CEP70: variants seen among roughly 807,000 people sequenced by gnomAD.
The protein encoded by CEP70 is centrosomal protein of 70 kDa.
CEP70 carries 70 observed loss-of-function variants against 90.9 expected under a neutral mutation model. The ratio of observed to expected loss-of-function variants is 0.77; its 90% CI spans 0.64 to 0.94. The LOEUF is 0.94. CEP70 is among the 40% of genes least tolerant of loss of function. CEP70 has a pLI of 0.00. For missense variants in CEP70, 648 were observed against 669.0 expected (o/e 0.97, Z 0.35); for synonymous variants, 220 against 228.3 (o/e 0.96, Z 0.33).
At chr3:138,576,086 G>A (rs368070651) in intron 2 of CEP70, among the ~76,000 whole-genome samples, 2 of 152,128 alleles carry the variant, frequency 1.3e-5, no homozygotes, top group African/African-American at 2.4e-5. Flanking sequence ...GACAGGATCA[G>A]ATTCACACAT....
intron 11 of CEP70, among the ~76,000 whole-genome samples, chr3:138,523,140 T>A (rs1178586231): frequency 1.3e-5 from 2 of 151,536 alleles, no homozygotes; most frequent in African/African-American, 4.9e-5. Context: ...ATTATCTCAA[T>A]AGATGCAGAA....
intron 10 of CEP70, among the ~76,000 whole-genome samples, chr3:138,527,504 C>T (rs1047008523): frequency 6.6e-6 from 1 of 151,580 alleles, no homozygotes; most frequent in Non-Finnish European, 1.5e-5. Flanking sequence ...ACCATCCTGG[C>T]TAACATGGTG....
chr3:138,520,828 G>A (rs1308043811), intron 11 of CEP70, among the ~76,000 whole-genome samples: 6 of 151,736 alleles, frequency 4.0e-5, no homozygotes, highest in Admixed American at 1.3e-4. Context: ...CCTCGTCTCC[G>A]TCTCCCACTT....
Position 138,572,913 on chromosome 3 carries a change from G to A in CEP70, c.15C>T (p.Ala5=), listed in dbSNP as rs912875578. 6.2e-7 allele frequency: 1 copy of A among 1,610,578 alleles called. No homozygotes were observed. Among genetic ancestry groups the A allele is most frequent in the African/African-American group, 1.3e-5 (1 of 74,858 alleles). The change falls in exon 3 of 18, where the codon GCC becomes GCT. Residue 5 remains alanine, a synonymous_variant. Transcript: ENST00000264982. MFPV[A]PKPQDSSQPS... is the part of the protein sequence containing the mutation. ...GTTGACTGGAATCCTGGGGTTTAGG[G>A]GCTACCGGAAACATAGTTACTTTTG...
At chr3:138,511,290 C>G (rs1218274640) in intron 11 of CEP70, among the ~76,000 whole-genome samples, 2 of 152,238 alleles carry the variant, frequency 1.3e-5, no homozygotes, top group Non-Finnish European at 2.9e-5. Flanking sequence ...TCTCTGCTTT[C>G]TAGTGAGTAT....
At chr3:138,594,040 C>G (rs2042532640) in intron 1 of CEP70, 158 bp downstream of exon 1, 1 of 152,322 alleles carries the variant, frequency 6.6e-6, no homozygotes, top group Admixed American at 6.5e-5. Context: ...ATCCCCAAAC[C>G]CTTACGCAGG....
chr3:138,553,487 C>CA (rs34567909), intron 6 of CEP70, among the ~76,000 whole-genome samples: 22,868 of 132,994 alleles, frequency 0.17, 3,810 homozygotes, highest in East Asian at 0.9. Flanking sequence ...CTCAAAAAGA[C>CA]AAAAAAAAAA....
intron 6 of CEP70, among the ~76,000 whole-genome samples, chr3:138,568,990 C>CAA (rs199500528): frequency 9.0e-6 from 1 of 110,542 alleles, no homozygotes; most frequent in African/African-American, 3.5e-5. Context: ...TCTAAAAAAA[C>CAA]AAACAAAAAA....
At position 138,498,074 on chromosome 3, in the gene CEP70, G is replaced by C. The variant is rs148806908; in HGVS notation, c.1689C>G (p.Phe563Leu). The change falls in exon 17 of 18, where the codon TTC (phenylalanine) becomes TTG (leucine). Residue 563 changes from phenylalanine to leucine, a missense_variant. Transcript: ENST00000264982. ...CATTAGTAAATGCCTGAAATGCTGG[G>C]AAAAATTCCTCGTGTTCTTCCAATT... ...IYKLEEHEEF[F>L]PAFQAFTNDL... 3 of 1,613,122 alleles carry C rather than the reference G, an allele frequency of 1.9e-6. No individual in the cohort carries two copies. Among genetic ancestry groups the C allele is most frequent in the Non-Finnish European group, 2.5e-6 (3 of 1,179,688 alleles).
At chr3:138,549,282 C>G (rs2039446979) in intron 6 of CEP70, among the ~76,000 whole-genome samples, 1 of 151,660 alleles carries the variant, frequency 6.6e-6, no homozygotes, top group Non-Finnish European at 1.5e-5. Context: ...GCTTTCTCAG[C>G]TGGGAGGCTG....
At chr3:138,505,149 GATA>G (rs1461381103) in intron 13 of CEP70, 143 bp downstream of exon 13, 1 of 521,080 alleles carries the variant, frequency 1.9e-6, no homozygotes, top group Non-Finnish European at 3.1e-6. Flanking sequence ...TTCGGTTTTA[GATA>G]ATAAGCTTTT....
intron 10 of CEP70, among the ~76,000 whole-genome samples, chr3:138,528,436 A>G (rs995599543): frequency 3.3e-5 from 5 of 152,180 alleles, no homozygotes; most frequent in Non-Finnish European, 7.3e-5. Context: ...TTCCTTTCAT[A>G]AGTTATCACG....
At chr3:138,496,567 G>A (rs2033971348) in intron 17 of CEP70, 10 of 985,176 alleles carry the variant, frequency 1.0e-5, no homozygotes, top group African/African-American at 3.5e-5. Context: ...GACCTTGGCC[G>A]ATATGGGAAT....
At chr3:138,582,457 G>A (rs1344059588) in intron 2 of CEP70, among the ~76,000 whole-genome samples, 14 of 140,270 alleles carry the variant, frequency 1.0e-4, no homozygotes, top group Middle Eastern at 4.5e-3. Flanking sequence ...GGGTGACAGA[G>A]CGAGACTCCA....
intron 10 of CEP70, among the ~76,000 whole-genome samples, chr3:138,526,156 T>C (rs923052049): frequency 1.3e-5 from 2 of 152,158 alleles, no homozygotes; most frequent in Non-Finnish European, 2.9e-5. Context: ...ATAAGTTTTT[T>C]CTTGTTGTTT....
At chr3:138,534,476 C>A (rs1480846410) in intron 7 of CEP70, among the ~76,000 whole-genome samples, 1 of 152,194 alleles carries the variant, frequency 6.6e-6, no homozygotes, top group African/African-American at 2.4e-5. Context: ...AAACTTCATT[C>A]ATTCTGAGTG....
intron 6 of CEP70, among the ~76,000 whole-genome samples, chr3:138,559,277 T>C (rs139939964): frequency 6.6e-5 from 10 of 151,886 alleles, no homozygotes; most frequent in East Asian, 5.8e-4. Context: ...CCTGGGCAAA[T>C]TGAAAAGAGA....
rs1457401865 is a variant in CEP70, at chr3:138,525,518, G to A, written c.916C>T (p.Leu306=). Reference sequence around the variant, plus strand: ...ACGTTTTTCTTAAGGGCTTTTTCCAGCTTCTTCACCTGCTGTTTATAAAGT... The same window carrying A: ...ACGTTTTTCTTAAGGGCTTTTTCCAACTTCTTCACCTGCTGTTTATAAAGT... ...LRLYKQQVKK[L]EKALKKNVKL... is the part of the protein sequence containing the mutation. The change falls in exon 11 of 18, where the codon CTG becomes TTG. Residue 306 remains leucine, a synonymous_variant. Coordinates refer to ENST00000264982, the MANE Select transcript of CEP70 (RefSeq NM_024491.4). 5 of 1,420,658 alleles carry A rather than the reference G, an allele frequency of 3.5e-6. No individual in the cohort carries two copies. Among genetic ancestry groups the A allele is most frequent in the Middle Eastern group, 1.9e-4 (1 of 5,356 alleles). The allele number at this position is 1,420,658 out of a possible 1,614,324, so 88.0% of individuals were successfully genotyped here. A position where few individuals can be genotyped will look rare whatever the true frequency, so the allele number is the denominator to read the frequency against.
intron 12 of CEP70, among the ~76,000 whole-genome samples, 199 bp from the exon 13 acceptor site, chr3:138,505,664 C>A (rs185960536): frequency 3.6e-4 from 55 of 152,176 alleles, no homozygotes; most frequent in Admixed American, 3.9e-4. Flanking sequence ...TAAGCGAAGA[C>A]CCAGAAAAGG....
Sources: gnomAD v4.1 joint callset for allele counts (sites outside exome capture counted in the v4.1 genomes callset) on GRCh38, gnomAD v4.1.1 for gene constraint, MANE v1.5 for transcripts, NCBI Gene and HGNC (gene_info 2026-07-23, HGNC 2026-07-21) for gene names.